The following AKT3 variants were observed in gnomAD, a reference collection of about 807,000 sequenced individuals.
The protein encoded by AKT3 is AKT serine/threonine kinase 3.
A neutral mutation model predicts 65.3 loss-of-function variants in AKT3; 15 were observed. The ratio of observed to expected loss-of-function variants is 0.23; its 90% CI spans 0.15 to 0.35. The LOEUF (loss-of-function observed/expected upper bound fraction) is 0.35. Ranked by LOEUF, AKT3 falls within the 10% of genes least tolerant of loss-of-function variation. The pLI, the probability that AKT3 is intolerant of heterozygous loss-of-function variation, is 1.00. For missense variants in AKT3, 243 were observed against 576.5 expected, an observed-to-expected ratio of 0.42 and a Z score of 5.92; for synonymous variants, 206 against 183.8, an observed-to-expected ratio of 1.12 and a Z score of -0.98.
In AKT3 at chr1:243,615,088, T is replaced by C; in HGVS notation, c.627+8A>G. 6.3e-7 allele frequency: 1 copy of C among 1,574,842 alleles called. No individual in the cohort carries two copies. Among genetic ancestry groups the C allele is most frequent in the Non-Finnish European group, 8.7e-7 (1 of 1,148,124 alleles). On this transcript the variant is annotated splice_region_variant and intron_variant, in intron 7 of 13. Transcript: ENST00000673466. ...TACGATTATAACATCTGTCCTCTAG[T>C]CACTTACTGTTAAAAAGGGATGTCT...
At position 243,500,814 on chromosome 1, in the gene AKT3, T is replaced by C. The variant is rs916615487; in HGVS notation, c.*4435A>G. 5.2e-5 allele frequency: 12 copies of C among 229,026 alleles called. No homozygotes were observed. The Admixed American group carries it at 6.2e-4, about 12-fold the overall frequency. 14.2% of individuals were successfully genotyped at this position (229,026 alleles called of 1,614,324 possible). On this transcript the variant is annotated 3_prime_UTR_variant, in exon 14 of 14. Coordinates refer to ENST00000673466, the MANE Select transcript of AKT3 (RefSeq NM_005465.7). Reference sequence around the variant, plus strand: ...ACACACAGAGACCATTTGAATCTCTTGAGCATGTAAAAGGTTCAAGCCTGA... The same window carrying C: ...ACACACAGAGACCATTTGAATCTCTCGAGCATGTAAAAGGTTCAAGCCTGA...
intron 4 of AKT3, 97 bp downstream of exon 4, chr1:243,664,675 A>G: frequency 2.4e-6 from 1 of 409,530 alleles, no homozygotes; most frequent in Non-Finnish European, 4.0e-6. Context: ...TTAAAAAAAT[A>G]TATTTATATA....
Position 243,512,395 on chromosome 1 carries a change from G to A in AKT3, c.1283C>T (p.Ser428Phe). Residue 428 changes from serine to phenylalanine, a missense_variant, in exon 13 of 14, where the codon TCT becomes TTT. Coordinates refer to ENST00000673466, the MANE Select transcript of AKT3 (RefSeq NM_005465.7). ...LVPPFKPQVT[S>F]ETDTRYFDEE... ...ATCAAAATATCTAGTATCTGTCTCA[G>A]ATGTTACTTGAGGTTTAAAAGGAGG... The A allele has an allele frequency of 6.3e-7, 1 of 1,590,622 alleles. No homozygotes were observed. The highest frequency in any genetic ancestry group is 1.7e-4 in the Middle Eastern group (1 of 5,992).
intron 4 of AKT3, among the ~76,000 whole-genome samples, chr1:243,652,154 T>C (rs1391455822): frequency 2.6e-5 from 4 of 151,898 alleles, no homozygotes; most frequent in Non-Finnish European, 5.9e-5. Context: ...GTTCAAGAGA[T>C]TGTCTGCCTC....
chr1:243,786,738 A>G (rs1691289429), intron 2 of AKT3, among the ~76,000 whole-genome samples: 1 of 152,130 alleles, frequency 6.6e-6, no homozygotes, highest in Admixed American at 6.5e-5. Flanking sequence ...GTTGAACCAG[A>G]AATGCTGGAG....
intron 9 of AKT3, among the ~76,000 whole-genome samples, chr1:243,565,780 C>A (rs1353653140): frequency 1.3e-5 from 2 of 152,046 alleles, no homozygotes; most frequent in Non-Finnish European, 2.9e-5. Flanking sequence ...TCCCACTTTG[C>A]CATAATGAGA....
At chr1:243,609,395 T>C (rs1264125608) in intron 8 of AKT3, among the ~76,000 whole-genome samples, 1 of 150,896 alleles carries the variant, frequency 6.6e-6, no homozygotes, top group Non-Finnish European at 1.5e-5. Flanking sequence ...CTACGCATGT[T>C]AAAATTATAC....
intron 2 of AKT3, among the ~76,000 whole-genome samples, chr1:243,757,343 T>C (rs554035456): frequency 2.0e-5 from 3 of 152,332 alleles, no homozygotes; most frequent in South Asian, 4.1e-4. Flanking sequence ...ATGTGCTCAG[T>C]GCACTGGCTC....
rs954011341 is a variant in AKT3, at chr1:243,696,145, C to CT, written c.47-430dup. ...GATGTTTCTCTTCCACTAATTGTGT[C>CT]TTTTTTTTTTCAAAAAAGAAAGAAA... is the stretch of plus-strand genomic sequence containing the variant. On this transcript the variant is annotated intron_variant, in intron 2 of 13. Coordinates refer to ENST00000673466, the MANE Select transcript of AKT3 (RefSeq NM_005465.7). Among the ~76,000 whole-genome samples the CT allele has an allele frequency of 2.1e-3, 300 of 144,914 alleles. 1 individual carries two copies. Among genetic ancestry groups the CT allele is most frequent in the Admixed American group, 2.8e-3 (41 of 14,460 alleles).
chr1:243,744,385 A>G (rs949944002), intron 2 of AKT3, among the ~76,000 whole-genome samples: 2 of 152,190 alleles, frequency 1.3e-5, no homozygotes, highest in Non-Finnish European at 2.9e-5. Context: ...ATATTTACAG[A>G]GCCGTATTCT....
chr1:243,820,771 C>T (rs1271422805), intron 2 of AKT3, among the ~76,000 whole-genome samples: 1 of 152,064 alleles, frequency 6.6e-6, no homozygotes, highest in Non-Finnish European at 1.5e-5. Flanking sequence ...CCTCTGAGAA[C>T]TATGGGATTA....
chr1:243,810,644 G>A lies in AKT3; in HGVS notation c.46+32481C>T, dbSNP rs1430799171. Among the ~76,000 whole-genome samples, 5 of 152,096 alleles carry A rather than the reference G, an allele frequency of 3.3e-5. No individual in the cohort carries two copies. In the East Asian group the frequency reaches 9.6e-4, roughly 29 times the overall value. Reference sequence around the variant, plus strand: ...TCTTCTGAAACTATCCCAATCAATAGAAAAAGAGGGAATCCTCCCTAACTC... The same window carrying A: ...TCTTCTGAAACTATCCCAATCAATAAAAAAAGAGGGAATCCTCCCTAACTC... On this transcript the variant is annotated intron_variant, in intron 2 of 13. Coordinates refer to ENST00000673466, the MANE Select transcript of AKT3 (RefSeq NM_005465.7).
chr1:243,620,892 G>C (rs1373170071), intron 6 of AKT3, among the ~76,000 whole-genome samples: 2 of 151,920 alleles, frequency 1.3e-5, no homozygotes, highest in Non-Finnish European at 2.9e-5. Context: ...TCTTTCTTCT[G>C]CCTCTCTCAT....
intron 3 of AKT3, among the ~76,000 whole-genome samples, chr1:243,686,980 A>ATTT: frequency 6.6e-6 from 1 of 151,844 alleles, no homozygotes; most frequent in Admixed American, 6.6e-5. Flanking sequence ...ATCTCACTTG[A>ATTT]TCCTCACTGT....
At chr1:243,597,972 G>GA (rs1182025529) in intron 8 of AKT3, among the ~76,000 whole-genome samples, 1 of 151,966 alleles carries the variant, frequency 6.6e-6, no homozygotes, top group Non-Finnish European at 1.5e-5. Context: ...TTTTGCAATA[G>GA]AAAAAAATTA....
At chr1:243,790,514 T>C (rs771807796) in intron 2 of AKT3, among the ~76,000 whole-genome samples, 2 of 152,194 alleles carry the variant, frequency 1.3e-5, no homozygotes, top group Non-Finnish European at 2.9e-5. Context: ...TGTGGCTGGT[T>C]TGATCTACCC....
chr1:243,752,418 C>A (rs916715317), intron 2 of AKT3, among the ~76,000 whole-genome samples: 1 of 152,090 alleles, frequency 6.6e-6, no homozygotes, highest in African/African-American at 2.4e-5. Flanking sequence ...ATAAATGTTA[C>A]GGAAATTATG....
intron 8 of AKT3, among the ~76,000 whole-genome samples, chr1:243,581,971 G>A (rs1189839676): frequency 4.0e-5 from 6 of 151,496 alleles, no homozygotes; most frequent in East Asian, 1.9e-4. Context: ...ACAATAGACC[G>A]GCCCAAGCAG....
chr1:243,545,407 T>C lies in AKT3; in HGVS notation c.1251+103A>G, dbSNP rs1252332690. 15 of 634,574 alleles carry C rather than the reference T, an allele frequency of 2.4e-5. 1 individual carries two copies. In the South Asian group the frequency reaches 3.5e-4, roughly 15 times the overall value. The allele number at this position is 634,574 out of a possible 1,614,324, so 39.3% of individuals were successfully genotyped here. A position where few individuals can be genotyped will look rare whatever the true frequency, so the allele number is the denominator to read the frequency against. On this transcript the variant is annotated intron_variant, in intron 12 of 13. Coordinates refer to ENST00000673466, the MANE Select transcript of AKT3 (RefSeq NM_005465.7). ...TTAAATGTCGGTAAAATGGAAAGTA[T>C]CATTACATCATTAACTTTTATTCAC...
Sources: gnomAD v4.1 joint callset for allele counts (sites outside exome capture counted in the v4.1 genomes callset) on GRCh38, gnomAD v4.1.1 for gene constraint, MANE v1.5 for transcripts, NCBI Gene and HGNC (gene_info 2026-07-23, HGNC 2026-07-21) for gene names.